The following MAP3K5 variants were observed in gnomAD, a reference collection of about 807,000 sequenced individuals.
The protein encoded by MAP3K5 is mitogen-activated protein kinase kinase kinase 5.
A neutral mutation model predicts 158.7 loss-of-function variants in MAP3K5; 56 were observed. That is an observed-to-expected ratio of 0.35 (90% CI 0.28 to 0.44). The LOEUF (loss-of-function observed/expected upper bound fraction) is 0.44, where lower values mean the gene tolerates loss of function less well. MAP3K5 is among the 20% of genes least tolerant of loss of function. The pLI, the probability that MAP3K5 is intolerant of heterozygous loss-of-function variation, is 1.00. For synonymous variants in MAP3K5, 579 were observed against 601.7 expected (o/e 0.96, Z 0.55); for missense variants, 1,294 against 1,674.8 (o/e 0.77, Z 3.97).
chr6:136,652,074 C>T (rs1778541760), intron 10 of MAP3K5, among the ~76,000 whole-genome samples: 1 of 152,082 alleles, frequency 6.6e-6, no homozygotes, highest in African/African-American at 2.4e-5. Context: ...TTGAATCAAG[C>T]AAGTTTTCCA....
At chr6:136,647,539 G>A (rs1367985576) in intron 11 of MAP3K5, among the ~76,000 whole-genome samples, 2 of 151,992 alleles carry the variant, frequency 1.3e-5, no homozygotes, top group South Asian at 2.1e-4. Context: ...GTTTCCTACC[G>A]ACACATGTTT....
intron 11 of MAP3K5, among the ~76,000 whole-genome samples, chr6:136,649,369 GCCATAAAGTCAAGGATGTAATAATT>G (rs902778399): frequency 6.6e-6 from 1 of 152,186 alleles, no homozygotes; most frequent in Non-Finnish European, 1.5e-5. Context: ...AACCAGCTTA[GCCATAAAGTCAAGGATGTAATAATT>G]CTTGAGCTAC....
rs1200977863 is a variant in MAP3K5 at position 136,569,913 on chromosome 6, T to C, written c.3518-2039A>G. On this transcript the variant is annotated intron_variant, in intron 25 of 29. Transcript: ENST00000359015. ...AAGTGAAATCAAGGTAGCAGAAATA[T>C]TGAATTTTCACTCCATATGCTTCGG... is the stretch of plus-strand genomic sequence containing the variant. Among the ~76,000 whole-genome samples the C allele has an allele frequency of 2.0e-5, 3 of 152,224 alleles. No homozygotes were observed. In the East Asian group the frequency reaches 5.8e-4, roughly 29 times the overall value.
intron 15 of MAP3K5, among the ~76,000 whole-genome samples, chr6:136,619,882 G>A (rs534196673): frequency 6.6e-6 from 1 of 152,346 alleles, no homozygotes; most frequent in Admixed American, 6.5e-5. Context: ...GGAATCAAAT[G>A]AATCCTGGAG....
chr6:136,584,797 G>A (rs1280007831), intron 23 of MAP3K5, among the ~76,000 whole-genome samples: 1 of 152,162 alleles, frequency 6.6e-6, no homozygotes, highest in East Asian at 1.9e-4. Context: ...AAGTTCCTCA[G>A]GCTCATATTC....
At chr6:136,686,679 A>T (rs1027359029) in intron 7 of MAP3K5, among the ~76,000 whole-genome samples, 1 of 152,164 alleles carries the variant, frequency 6.6e-6, no homozygotes, top group Non-Finnish European at 1.5e-5. Context: ...CACAATTGCC[A>T]CAAAGAGAAT....
At chr6:136,575,432 G>A (rs1774572978) in intron 25 of MAP3K5, among the ~76,000 whole-genome samples, 1 of 151,900 alleles carries the variant, frequency 6.6e-6, no homozygotes, top group Non-Finnish European at 1.5e-5. Context: ...CCAAAGTGCT[G>A]GTATTATAGA....
chr6:136,750,947 C>T (rs1195389427), intron 1 of MAP3K5, among the ~76,000 whole-genome samples: 1 of 152,192 alleles, frequency 6.6e-6, no homozygotes, highest in African/African-American at 2.4e-5. Flanking sequence ...CAACTCAGCT[C>T]ATCAGAATGA....
chr6:136,616,123 C>A (rs1258896674), intron 15 of MAP3K5, among the ~76,000 whole-genome samples: 1 of 151,852 alleles, frequency 6.6e-6, no homozygotes, highest in African/African-American at 2.4e-5. Context: ...TAATAGTATA[C>A]CAGTTAGAGA....
At chr6:136,610,224 T>A (rs1045417310) in intron 18 of MAP3K5, among the ~76,000 whole-genome samples, 1 of 152,066 alleles carries the variant, frequency 6.6e-6, no homozygotes, top group Non-Finnish European at 1.5e-5. Context: ...AAGAACTAAA[T>A]GGAGATCAGG....
intron 8 of MAP3K5, among the ~76,000 whole-genome samples, 197 bp from the exon 9 acceptor site, chr6:136,659,575 T>C (rs1261756509): frequency 6.6e-6 from 1 of 152,192 alleles, no homozygotes; most frequent in African/African-American, 2.4e-5. Context: ...ATACATACCA[T>C]AGATGAACTT....
chr6:136,638,354 G>A (rs768012738), intron 13 of MAP3K5, among the ~76,000 whole-genome samples: 39 of 152,166 alleles, frequency 2.6e-4, no homozygotes, highest in South Asian at 2.1e-4. Flanking sequence ...GAGCACTAGC[G>A]TAATTTTTAG....
chr6:136,561,671 T>G, intron 27 of MAP3K5, 26 bp from the exon 28 acceptor site: 2 of 1,339,618 alleles, frequency 1.5e-6, no homozygotes, highest in Middle Eastern at 1.8e-4. Context: ...GGGAAGATAT[T>G]CTTAATTTCA....
chr6:136,673,432 T>A (rs1263242225), intron 7 of MAP3K5, among the ~76,000 whole-genome samples: 1 of 152,134 alleles, frequency 6.6e-6, no homozygotes, highest in African/African-American at 2.4e-5. Context: ...GACCTACAGA[T>A]AATTCGGATG....
intron 8 of MAP3K5, 94 bp from the exon 9 acceptor site, chr6:136,659,472 C>T (rs1320459649): frequency 8.7e-7 from 1 of 1,152,572 alleles, no homozygotes; most frequent in Admixed American, 2.0e-5. Context: ...TTTCATTCCT[C>T]TTTTCAGATT....
chr6:136,764,299 T>A (rs773031078), intron 1 of MAP3K5, among the ~76,000 whole-genome samples: 5 of 152,224 alleles, frequency 3.3e-5, no homozygotes, highest in Non-Finnish European at 5.9e-5. Context: ...CAGACAAAAA[T>A]AATGTTCTGA....
At chr6:136,560,648 T>C (rs1391213070) in intron 28 of MAP3K5, among the ~76,000 whole-genome samples, 2 of 152,074 alleles carry the variant, frequency 1.3e-5, no homozygotes, top group Non-Finnish European at 2.9e-5. Context: ...TGAAAAAGAA[T>C]TAAAAATTTA....
intron 1 of MAP3K5, among the ~76,000 whole-genome samples, chr6:136,760,904 T>C (rs1783722060): frequency 6.6e-6 from 1 of 152,234 alleles, no homozygotes. Context: ...GGGAGGCAGA[T>C]GTTGCAGTGA....
intron 8 of MAP3K5, among the ~76,000 whole-genome samples, chr6:136,665,390 A>C (rs1282653977): frequency 2.7e-5 from 4 of 147,104 alleles, no homozygotes; most frequent in Non-Finnish European, 4.5e-5. Flanking sequence ...CTTGTCGCCC[A>C]GGCTGGAGTG....
Sources: allele counts gnomAD v4.1 joint callset (sites outside exome capture counted in the v4.1 genomes callset), GRCh38; gene constraint gnomAD v4.1.1; transcripts MANE v1.5; gene names NCBI Gene and HGNC (gene_info 2026-07-23, HGNC 2026-07-21).